The following CAMKMT variants were observed in gnomAD, a reference collection of about 807,000 sequenced individuals.
CAMKMT encodes calmodulin-lysine N-methyltransferase.
CAMKMT carries 53 observed loss-of-function variants against 48.0 expected under a neutral mutation model. The ratio of observed to expected loss-of-function variants is 1.10; its 90% confidence interval spans 0.89 to 1.39. CAMKMT has a LOEUF of 1.39. Ranked by LOEUF, CAMKMT falls within the 40% of genes most tolerant of loss-of-function variation. The probability of loss-of-function intolerance (pLI) is 0.00; values close to 1 mark genes in which losing one functional copy is unlikely to be tolerated. For missense variants in CAMKMT, 428 were observed against 402.7 expected, an observed-to-expected ratio of 1.06 and a Z score of -0.54; for synonymous variants, 165 against 152.3, an observed-to-expected ratio of 1.08 and a Z score of -0.61.
intron 3 of CAMKMT, among the ~76,000 whole-genome samples, chr2:44,667,386 T>C (rs773800253): frequency 3.3e-5 from 5 of 152,196 alleles, no homozygotes; most frequent in Admixed American, 6.5e-5. Context: ...AAGAGGTTTC[T>C]TTCATCCTTC....
chr2:44,400,418 G>T (rs1011536903), intron 3 of CAMKMT, among the ~76,000 whole-genome samples: 1 of 151,974 alleles, frequency 6.6e-6, no homozygotes, highest in Admixed American at 6.6e-5. Flanking sequence ...GAATGAGCAG[G>T]GTCTTTATTT....
chr2:44,445,645 GTTTTTTTTT>G (rs869258613), intron 3 of CAMKMT, among the ~76,000 whole-genome samples: 10 of 101,390 alleles, frequency 9.9e-5, no homozygotes, highest in African/African-American at 3.3e-4. Flanking sequence ...CAAAAGGGTA[GTTTTTTTTT>G]TTTTTTTTTT....
intron 3 of CAMKMT, among the ~76,000 whole-genome samples, chr2:44,508,737 T>C (rs1670386222): frequency 6.6e-6 from 1 of 152,192 alleles, no homozygotes; most frequent in Non-Finnish European, 1.5e-5. Context: ...TAGGATATCC[T>C]TATCAATTTC....
At chr2:44,582,199 T>C (rs929608495) in intron 3 of CAMKMT, among the ~76,000 whole-genome samples, 2 of 152,224 alleles carry the variant, frequency 1.3e-5, no homozygotes, top group African/African-American at 4.8e-5. Context: ...ACAGAAAGAA[T>C]GTCTTTAGTC....
At chr2:44,668,753 T>A (rs1309431347) in intron 3 of CAMKMT, among the ~76,000 whole-genome samples, 1 of 152,162 alleles carries the variant, frequency 6.6e-6, no homozygotes, top group Admixed American at 6.6e-5. Flanking sequence ...TCTCAAATTT[T>A]TGCCATCATT....
chr2:44,747,064 G>A (rs1157669479), intron 8 of CAMKMT, among the ~76,000 whole-genome samples: 1 of 152,102 alleles, frequency 6.6e-6, no homozygotes, highest in Non-Finnish European at 1.5e-5. Flanking sequence ...TACCCTGACC[G>A]GCCCATTGAG....
chr2:44,667,324 A>G (rs1192696141), intron 3 of CAMKMT, among the ~76,000 whole-genome samples: 1 of 152,112 alleles, frequency 6.6e-6, no homozygotes, highest in Non-Finnish European at 1.5e-5. Flanking sequence ...TGATATCCCC[A>G]TCCGGCTCTC....
At chr2:44,502,541 T>G (rs1443080633) in intron 3 of CAMKMT, among the ~76,000 whole-genome samples, 1 of 152,252 alleles carries the variant, frequency 6.6e-6, no homozygotes, top group Admixed American at 6.5e-5. Flanking sequence ...TAATGCTTGA[T>G]AATGTCTTGC....
At chr2:44,379,893 A>G (rs1460450813) in intron 2 of CAMKMT, among the ~76,000 whole-genome samples, 1 of 151,670 alleles carries the variant, frequency 6.6e-6, no homozygotes, top group Non-Finnish European at 1.5e-5. Context: ...CATACATGTG[A>G]TATTTGCAAA....
chr2:44,558,129 A>C (rs1668120633), intron 3 of CAMKMT, among the ~76,000 whole-genome samples: 1 of 152,094 alleles, frequency 6.6e-6, no homozygotes, highest in African/African-American at 2.4e-5. Context: ...AATATAGCTC[A>C]CTGCAGCCTC....
At chr2:44,623,404 C>T (rs1389737288) in intron 3 of CAMKMT, among the ~76,000 whole-genome samples, 1 of 152,112 alleles carries the variant, frequency 6.6e-6, no homozygotes, top group Non-Finnish European at 1.5e-5. Context: ...TTTGCCAAGG[C>T]TGATACAGAG....
intron 3 of CAMKMT, among the ~76,000 whole-genome samples, chr2:44,452,938 A>G (rs1667369296): frequency 6.6e-6 from 1 of 152,018 alleles, no homozygotes; most frequent in South Asian, 2.1e-4. Flanking sequence ...GTGTCTTTTT[A>G]TAGTTGTTCA....
At chr2:44,564,348 T>C (rs1215653011) in intron 3 of CAMKMT, among the ~76,000 whole-genome samples, 1 of 151,912 alleles carries the variant, frequency 6.6e-6, no homozygotes, top group African/African-American at 2.4e-5. Flanking sequence ...CTAATTTTTG[T>C]ATTTTTAATA....
chr2:44,622,312 C>T (rs971923132), intron 3 of CAMKMT, among the ~76,000 whole-genome samples: 1 of 152,104 alleles, frequency 6.6e-6, no homozygotes. Flanking sequence ...AATCAATGCA[C>T]CCATTTTATT....
chr2:44,538,267 G>T (rs1024253878), intron 3 of CAMKMT, among the ~76,000 whole-genome samples: 4 of 151,988 alleles, frequency 2.6e-5, no homozygotes, highest in Non-Finnish European at 5.9e-5. Flanking sequence ...TACTCGGGAA[G>T]CTGAGGCAGA....
chr2:44,738,716 T>G (rs1294024768), intron 7 of CAMKMT, among the ~76,000 whole-genome samples: 1 of 152,054 alleles, frequency 6.6e-6, no homozygotes, highest in Non-Finnish European at 1.5e-5. Context: ...AATCAATAAT[T>G]TAGTTATATT....
At chr2:44,596,095 C>T (rs373593237) in intron 3 of CAMKMT, among the ~76,000 whole-genome samples, 40 of 151,528 alleles carry the variant, frequency 2.6e-4, no homozygotes, top group African/African-American at 9.2e-4. Context: ...TGTAACAAAC[C>T]TGCATGTTCT....
At chr2:44,639,367 T>G (rs1673319850) in intron 3 of CAMKMT, among the ~76,000 whole-genome samples, 1 of 152,222 alleles carries the variant, frequency 6.6e-6, no homozygotes, top group South Asian at 2.1e-4. Context: ...TCAGTTCTTA[T>G]GGACAGCTTA....
chr2:44,412,483 C>T (rs948522256), intron 3 of CAMKMT, among the ~76,000 whole-genome samples: 2 of 152,004 alleles, frequency 1.3e-5, no homozygotes, highest in Non-Finnish European at 2.9e-5. Context: ...TTACAGGTGC[C>T]TGCCACCACG....
Sources: gnomAD v4.1 joint callset for allele counts (sites outside exome capture counted in the v4.1 genomes callset) on GRCh38, gnomAD v4.1.1 for gene constraint, MANE v1.5 for transcripts, NCBI Gene and HGNC (gene_info 2026-07-23, HGNC 2026-07-21) for gene names.